Variants in SLCO5A1 observed in about 807,000 individuals in gnomAD.
SLCO5A1 encodes the protein solute carrier organic anion transporter family member 5A1.
Under a neutral mutation model 65.1 loss-of-function variants are expected in SLCO5A1, and 39 were observed. The ratio of observed to expected loss-of-function variants is 0.60; its 90% CI spans 0.46 to 0.78. SLCO5A1 has a LOEUF of 0.78. SLCO5A1 is among the 30% of genes least tolerant of loss of function. The pLI is 0.00. For missense variants in SLCO5A1, 1,029 were observed against 1,069.4 expected, an observed-to-expected ratio of 0.96 and a Z score of 0.53; for synonymous variants, 438 against 415.7, an observed-to-expected ratio of 1.05 and a Z score of -0.65.
intron 5 of SLCO5A1, among the ~76,000 whole-genome samples, chr8:69,714,312 G>A (rs938762956): frequency 6.6e-6 from 1 of 152,334 alleles, no homozygotes; most frequent in East Asian, 1.9e-4. Context: ...ACTTAAAGGA[G>A]GGGTAGCAAA....
chr8:69,753,931 G>T (rs1430182874), intron 4 of SLCO5A1, among the ~76,000 whole-genome samples: 2 of 148,472 alleles, frequency 1.3e-5, no homozygotes, highest in Non-Finnish European at 3.0e-5. Flanking sequence ...CAGGAGAATT[G>T]CTTGAACCTG....
chr8:69,785,803 A>C (rs558843133), intron 2 of SLCO5A1, among the ~76,000 whole-genome samples: 1 of 152,184 alleles, frequency 6.6e-6, no homozygotes, highest in African/African-American at 2.4e-5. Context: ...AAGAAATCAA[A>C]CCACCATTGC....
intron 2 of SLCO5A1, among the ~76,000 whole-genome samples, chr8:69,780,506 G>T (rs1818747177): frequency 6.6e-6 from 1 of 152,176 alleles, no homozygotes; most frequent in South Asian, 2.1e-4. Context: ...GCAGCAACAT[G>T]AATGTAACTG....
At chr8:69,697,244 G>C (rs1195709285) in intron 6 of SLCO5A1, among the ~76,000 whole-genome samples, 1 of 152,080 alleles carries the variant, frequency 6.6e-6, no homozygotes, top group Non-Finnish European at 1.5e-5. Context: ...AGATAGCTGG[G>C]CCAGGCATGG....
intron 4 of SLCO5A1, among the ~76,000 whole-genome samples, chr8:69,750,532 C>T (rs1266839347): frequency 6.6e-6 from 1 of 152,144 alleles, no homozygotes; most frequent in African/African-American, 2.4e-5. Context: ...GCCTCTGCCA[C>T]ATATGTCCAA....
At chr8:69,804,323 G>T (rs905110292) in intron 2 of SLCO5A1, among the ~76,000 whole-genome samples, 5 of 151,516 alleles carry the variant, frequency 3.3e-5, no homozygotes, top group Non-Finnish European at 5.9e-5. Flanking sequence ...TTGTTTTTTT[G>T]TTTTTAGAAG....
chr8:69,738,073 C>G lies in SLCO5A1; in HGVS notation c.1390G>C (p.Gly464Arg), dbSNP rs1026156312. ...ATGCTGGCATTGGAGGCTGGGATAC[C>G]AAACTGTGACTCGATGAACTTGGGA... The part of the protein sequence containing the change: ...FIPKFIESQF[G>R]IPASNASIYT... Residue 464 changes from glycine to arginine, a missense_variant, in exon 5 of 10, where the codon GGT becomes CGT. This residue lies in a region of SLCO5A1 where 647 missense variants were observed against 647.5 expected (regional missense o/e 1.00). Transcript: ENST00000260126. 6.2e-7 allele frequency: 1 copy of G among 1,611,092 alleles called. No individual in the cohort carries two copies. The highest frequency in any genetic ancestry group is 8.5e-7 in the Non-Finnish European group (1 of 1,178,528).
chr8:69,787,126 C>A (rs376991168), intron 2 of SLCO5A1, among the ~76,000 whole-genome samples: 1 of 152,176 alleles, frequency 6.6e-6, no homozygotes, highest in Admixed American at 6.5e-5. Context: ...AGGAGCCTTA[C>A]GTCATTTCAA....
At chr8:69,797,129 T>G (rs796787100) in intron 2 of SLCO5A1, among the ~76,000 whole-genome samples, 4 of 152,350 alleles carry the variant, frequency 2.6e-5, no homozygotes, top group African/African-American at 9.6e-5. Flanking sequence ...TGTGAAGATT[T>G]CATGGACATT....
chr8:69,806,336 T>C (rs1819989125), intron 2 of SLCO5A1, among the ~76,000 whole-genome samples: 1 of 152,238 alleles, frequency 6.6e-6, no homozygotes, highest in Non-Finnish European at 1.5e-5. Context: ...CCTTGGTTTG[T>C]AATTCCTTAT....
chr8:69,825,182 G>T (rs1220683998), intron 2 of SLCO5A1, among the ~76,000 whole-genome samples: 1 of 152,136 alleles, frequency 6.6e-6, no homozygotes, highest in Non-Finnish European at 1.5e-5. Context: ...TACTGAATGG[G>T]CAAAAACTGG....
At chr8:69,775,136 C>CA (rs1271649929) in intron 2 of SLCO5A1, among the ~76,000 whole-genome samples, 11 of 152,172 alleles carry the variant, frequency 7.2e-5, no homozygotes, top group Admixed American at 6.5e-5. Context: ...GAGAGCATCT[C>CA]AGGTCACAAA....
intron 2 of SLCO5A1, among the ~76,000 whole-genome samples, chr8:69,805,567 G>A (rs1231321768): frequency 1.3e-5 from 2 of 152,136 alleles, no homozygotes; most frequent in Non-Finnish European, 2.9e-5. Flanking sequence ...ATTATGGTGG[G>A]AGAATTCTTC....
rs765328168 is a variant in SLCO5A1 at position 69,831,990 on chromosome 8, G to A, written c.684C>T (p.Asn228=). Residue 228 remains asparagine, a synonymous_variant, in exon 2 of 10, where the codon AAC becomes AAT. Transcript: ENST00000260126. ...ISPPYQIQEL[N]ASAPNDGLCQ... is the part of the protein sequence containing the mutation. ...ACAGGCCGTCGTTGGGGGCCGAGGC[G>A]TTCAACTCTTGGATCTGGTAGGGGG... 6.9e-6 allele frequency: 11 copies of A among 1,595,262 alleles called. No individual in the cohort carries two copies. The highest frequency in any genetic ancestry group is 1.1e-5 in the South Asian group (1 of 88,098).
chr8:69,803,965 T>C (rs1330546030), intron 2 of SLCO5A1, among the ~76,000 whole-genome samples: 1 of 151,892 alleles, frequency 6.6e-6, no homozygotes, highest in Non-Finnish European at 1.5e-5. Context: ...AAAGTTTGAG[T>C]TCCACACCCC....
intron 2 of SLCO5A1, among the ~76,000 whole-genome samples, chr8:69,789,881 C>T (rs924379998): frequency 1.3e-5 from 2 of 152,016 alleles, no homozygotes; most frequent in African/African-American, 4.8e-5. Context: ...CTTAACTGTA[C>T]ATTTTAAAAT....
chr8:69,673,409 G>A (rs1042100059), intron 9 of SLCO5A1, 83 bp from the exon 10 acceptor site: 10 of 1,243,604 alleles, frequency 8.0e-6, no homozygotes, highest in Non-Finnish European at 1.1e-5. Flanking sequence ...CAAGGTACTT[G>A]TGTGCTCTAA....
intron 2 of SLCO5A1, among the ~76,000 whole-genome samples, chr8:69,774,861 T>C (rs1818495895): frequency 6.6e-6 from 1 of 152,232 alleles, no homozygotes; most frequent in Non-Finnish European, 1.5e-5. Context: ...GCAACAGTGA[T>C]ACCAACTCTC....
intron 2 of SLCO5A1, among the ~76,000 whole-genome samples, chr8:69,788,474 C>T (rs141039622): frequency 1.4e-3 from 213 of 152,250 alleles, no homozygotes; most frequent in African/African-American, 4.7e-3. Flanking sequence ...ATTTAACTTA[C>T]TAATTTGGAT....
Sources: allele counts gnomAD v4.1 joint callset (sites outside exome capture counted in the v4.1 genomes callset), GRCh38; gene constraint gnomAD v4.1.1; regional missense constraint gnomAD v4.1.1; transcripts MANE v1.5; gene names NCBI Gene and HGNC (gene_info 2026-07-23, HGNC 2026-07-21).